Variants in FBXL13 observed in about 807,000 individuals in gnomAD.
FBXL13 encodes the protein F-box and leucine-rich repeat protein 13.
A neutral mutation model predicts 83.6 loss-of-function variants in FBXL13; 67 were observed. The ratio of observed to expected loss-of-function variants is 0.80; its 90% CI spans 0.66 to 0.98. The LOEUF (loss-of-function observed/expected upper bound fraction) is 0.98, where lower values mean the gene tolerates loss of function less well. FBXL13 is among the 50% of genes least tolerant of loss of function. FBXL13 has a pLI of 0.00. For missense variants in FBXL13, 822 were observed against 866.5 expected (o/e 0.95, Z 0.64); for synonymous variants, 272 against 299.5 (o/e 0.91, Z 0.95).
intron 18 of FBXL13, among the ~76,000 whole-genome samples, chr7:102,824,588 C>T (rs950447383): frequency 2.6e-5 from 4 of 152,036 alleles, no homozygotes; most frequent in Admixed American, 2.0e-4. Context: ...CAGGTTCAAA[C>T]AATTCTCCCA....
chr7:102,830,792 G>A (rs534072819), intron 18 of FBXL13, among the ~76,000 whole-genome samples: 1 of 152,194 alleles, frequency 6.6e-6, no homozygotes. Flanking sequence ...GAACACGATT[G>A]TTAATAACCT....
intron 14 of FBXL13, among the ~76,000 whole-genome samples, chr7:102,882,175 C>A (rs1810189239): frequency 6.6e-6 from 1 of 152,060 alleles, no homozygotes; most frequent in African/African-American, 2.4e-5. Flanking sequence ...GCAGGAGGAC[C>A]ACTTGAGCCC....
At chr7:102,889,328 T>C (rs1811215474) in intron 11 of FBXL13, among the ~76,000 whole-genome samples, 1 of 152,244 alleles carries the variant, frequency 6.6e-6, no homozygotes, top group Non-Finnish European at 1.5e-5. Flanking sequence ...CACATAGCAA[T>C]GGCAGAGCCA....
At chr7:103,026,823 C>T (rs976077710) in intron 5 of FBXL13, among the ~76,000 whole-genome samples, 1 of 152,070 alleles carries the variant, frequency 6.6e-6, no homozygotes, top group Non-Finnish European at 1.5e-5. Flanking sequence ...CCTATCTACC[C>T]TTACTTTATA....
chr7:102,998,458 C>T lies in FBXL13; in HGVS notation c.495+26605G>A, dbSNP rs184615034. Among the ~76,000 whole-genome samples, 673 of 152,180 alleles carry T rather than the reference C, an allele frequency of 4.4e-3. 6 individuals carry two copies. Among genetic ancestry groups the T allele is most frequent in the African/African-American group, 0.016 (645 of 41,534 alleles). ...AGTGTTTCAGTCTTCCTTCTAGTGACCTTTCACTTCTTTGGTTAAATTTAT... is the reference window on the plus strand; with the variant it reads ...AGTGTTTCAGTCTTCCTTCTAGTGATCTTTCACTTCTTTGGTTAAATTTAT... On this transcript the variant is annotated intron_variant, in intron 6 of 19. Transcript: ENST00000313221.
chr7:102,911,820 T>C (rs905021045), intron 11 of FBXL13, among the ~76,000 whole-genome samples: 7 of 152,184 alleles, frequency 4.6e-5, no homozygotes, highest in Non-Finnish European at 1.0e-4. Context: ...CATAAAGTTA[T>C]GGTAGATGTT....
At chr7:103,024,016 A>G (rs538303188) in intron 6 of FBXL13, among the ~76,000 whole-genome samples, 1 of 152,246 alleles carries the variant, frequency 6.6e-6, no homozygotes, top group African/African-American at 2.4e-5. Context: ...AGAAGTATCT[A>G]TTGAATGCTA....
At chr7:102,817,653 CCT>C (rs889908993) in intron 19 of FBXL13, among the ~76,000 whole-genome samples, 1 of 151,842 alleles carries the variant, frequency 6.6e-6, no homozygotes, top group African/African-American at 2.4e-5. Context: ...CTGGGAGAAA[CCT>C]CTCTCTCTCT....
intron 6 of FBXL13, among the ~76,000 whole-genome samples, chr7:102,980,537 C>G (rs140047032): frequency 6.6e-6 from 1 of 152,058 alleles, no homozygotes; most frequent in Non-Finnish European, 1.5e-5. Flanking sequence ...CAGCACTTTG[C>G]GAGGCTGAGG....
intron 6 of FBXL13, among the ~76,000 whole-genome samples, chr7:103,010,486 C>T (rs1055204018): frequency 1.3e-5 from 2 of 152,132 alleles, no homozygotes; most frequent in African/African-American, 4.8e-5. Context: ...CCCACCCTTG[C>T]CTCTCATAGC....
chr7:103,064,326 A>G lies in FBXL13; in HGVS notation c.-104-8579T>C, dbSNP rs537674577. Among the ~76,000 whole-genome samples, 7 of 152,354 alleles carry G rather than the reference A, an allele frequency of 4.6e-5. No homozygotes were observed. The South Asian group carries it at 1.2e-3, about 27-fold the overall frequency. ...TCCAACCCCAGAGATGGGGATAGACAGTTTTCTTGAAGCAAATGGGCTAGG... is the reference window on the plus strand; with the variant it reads ...TCCAACCCCAGAGATGGGGATAGACGGTTTTCTTGAAGCAAATGGGCTAGG... On this transcript the variant is annotated intron_variant, in intron 1 of 19. Transcript: ENST00000313221.
chr7:103,027,347 T>C lies in FBXL13; in HGVS notation c.327+102A>G. The C allele has an allele frequency of 5.7e-6, 4 of 698,102 alleles. No individual in the cohort carries two copies. The South Asian group carries it at 9.0e-5, about 16-fold the overall frequency. 43.2% of individuals were successfully genotyped at this position (698,102 alleles called of 1,614,324 possible). On this transcript the variant is annotated intron_variant, in intron 5 of 19. Coordinates refer to ENST00000313221, the Ensembl canonical transcript of FBXL13. Reference sequence around the variant, plus strand: ...AGAATCCCATCAAAAGTAGATAATATTCAGGATTTTAGTATTTTCCACACA... The same window carrying C: ...AGAATCCCATCAAAAGTAGATAATACTCAGGATTTTAGTATTTTCCACACA...
chr7:102,985,242 G>A (rs1194345046), intron 6 of FBXL13, among the ~76,000 whole-genome samples: 2 of 152,190 alleles, frequency 1.3e-5, no homozygotes, highest in African/African-American at 4.8e-5. Context: ...CATGCATCTG[G>A]TGGAACCCCT....
Position 102,896,783 on chromosome 7 carries a change from T to A in FBXL13, c.1009-12471A>T, listed in dbSNP as rs558671835. Among the ~76,000 whole-genome samples the A allele has an allele frequency of 8.5e-5, 13 of 152,332 alleles. No individual in the cohort carries two copies. In the South Asian group the frequency reaches 2.7e-3, roughly 32 times the overall value. On this transcript the variant is annotated intron_variant, in intron 11 of 19. Coordinates refer to ENST00000313221, the Ensembl canonical transcript of FBXL13. ...TTAGGTTCCACCCTAAATGACCTCA[T>A]CTGAATTAATTACATCTGCAATTAC... is the stretch of plus-strand genomic sequence containing the variant.
intron 6 of FBXL13, among the ~76,000 whole-genome samples, chr7:103,005,133 G>C (rs1790845184): frequency 6.6e-6 from 1 of 152,096 alleles, no homozygotes; most frequent in Non-Finnish European, 1.5e-5. Context: ...CATTTACTCA[G>C]AACTGATATT....
chr7:103,074,491 C>T, exon 1 of FBXL13: 3 of 1,160,604 alleles, frequency 2.6e-6, no homozygotes, highest in Non-Finnish European at 3.3e-6. Context: ...CCACCATCAC[C>T]CTCTGTTTTC....
chr7:102,981,660 G>C (rs778083376), intron 6 of FBXL13, among the ~76,000 whole-genome samples: 5 of 152,190 alleles, frequency 3.3e-5, no homozygotes, highest in Non-Finnish European at 7.3e-5. Context: ...TCTGGTGAGA[G>C]CCCACTTCCT....
intron 6 of FBXL13, among the ~76,000 whole-genome samples, chr7:103,023,643 A>C (rs1793486854): frequency 6.6e-6 from 1 of 152,218 alleles, no homozygotes; most frequent in South Asian, 2.1e-4. Flanking sequence ...AAGGAATATA[A>C]ATCATTCTAC....
intron 11 of FBXL13, among the ~76,000 whole-genome samples, chr7:102,893,352 TTATTTA>T (rs1297290616): frequency 6.6e-6 from 1 of 152,058 alleles, no homozygotes; most frequent in African/African-American, 2.4e-5. Flanking sequence ...ACCTTAGAGG[TTATTTA>T]GCCCAGCCTA....
Sources: allele counts gnomAD v4.1 joint callset (sites outside exome capture counted in the v4.1 genomes callset), GRCh38; gene constraint gnomAD v4.1.1; transcripts MANE v1.5; gene names NCBI Gene and HGNC (gene_info 2026-07-23, HGNC 2026-07-21).